The following CLCN2 variants were observed in gnomAD, a reference collection of about 807,000 sequenced individuals.
CLCN2 encodes chloride voltage-gated channel 2.
In CLCN2, 72 loss-of-function variants were observed where a neutral mutation model predicts 108.3. That is an observed-to-expected ratio of 0.66 (90% confidence interval 0.55 to 0.81). The LOEUF is 0.81. Ranked by LOEUF, CLCN2 falls within the 30% of genes least tolerant of loss-of-function variation. The pLI is 0.00. For synonymous variants in CLCN2, 471 were observed against 467.1 expected (o/e 1.01, Z -0.11); for missense variants, 1,048 against 1,205.2 (o/e 0.87, Z 1.93).
At chr3:184,353,556 T>A (rs1728297307) in intron 16 of CLCN2, 106 bp downstream of exon 16, 11 of 1,563,852 alleles carry the variant, frequency 7.0e-6, no homozygotes, top group Non-Finnish European at 9.5e-6. Flanking sequence ...CAAGTGCTGG[T>A]CCATTCCCTT....
At position 184,354,660 on chromosome 3, in the gene CLCN2, T is replaced by A; in HGVS notation, c.1397-2A>T. ...CCACCAGACGCCCAAATGCTGCTCC[T>A]TCAGGGAGGGGGGTGGGAAGAGAAA... On this transcript the variant is annotated splice_acceptor_variant, in intron 13 of 23. Transcript: ENST00000265593. LOFTEE classifies it high-confidence loss of function. 9.8e-7 allele frequency: 1 copy of A among 1,022,984 alleles called. No homozygotes were observed. Among genetic ancestry groups the A allele is most frequent in the Non-Finnish European group, 1.4e-6 (1 of 711,888 alleles). The allele number at this position is 1,022,984 out of a possible 1,614,324, so 63.4% of individuals were successfully genotyped here.
intron 22 of CLCN2, among the ~76,000 whole-genome samples, chr3:184,351,146 T>C (rs77128692): frequency 0.034 from 5,166 of 152,228 alleles, 284 homozygotes; most frequent in African/African-American, 0.12. Context: ...CTATACTGGC[T>C]CTTAGGCAGA....
At chr3:184,354,740 G>A in intron 13 of CLCN2, 82 bp from the exon 14 acceptor site, 1 of 1,349,442 alleles carries the variant, frequency 7.4e-7, no homozygotes, top group Non-Finnish European at 1.1e-6. Context: ...GTCAGAGGGT[G>A]AGGGAGGGGC....
chr3:184,352,148 G>T (rs756909764), intron 21 of CLCN2, 31 bp from the exon 22 acceptor site: 1 of 1,599,782 alleles, frequency 6.3e-7, no homozygotes, highest in East Asian at 2.2e-5. Context: ...GGTTTAGGGA[G>T]AAGGTGCCTG....
At position 184,346,958 on chromosome 3, in the gene CLCN2, T is replaced by C; in HGVS notation, c.2479A>G (p.Ile827Val). 6.2e-7 allele frequency: 1 copy of C among 1,613,510 alleles called. No homozygotes were observed. Among genetic ancestry groups the C allele is most frequent in the Non-Finnish European group, 8.5e-7 (1 of 1,179,410 alleles). The change falls in exon 23 of 24, where the codon ATT becomes GTT. Residue 827 changes from isoleucine to valine, a missense_variant. Physicochemically the swap from Ile to Val is conservative, Grantham distance 29. Transcript: ENST00000265593. This position sits in a 1 kb window ranked among gnomAD's most constrained non-coding sequence, Gnocchi z 6.0. Reference protein sequence around the residue: ...HAYVTSIGRLIGIVTLKELRK... With the variant: ...HAYVTSIGRLVGIVTLKELRK... ...ACCTCCTTTAGAGTAACGATTCCAA[T>C]GAGTCTGCCAATACTGGTGACATAA...
In CLCN2 at chr3:184,355,832, G is replaced by T; in HGVS notation, c.1086-54C>A. 1 of 1,418,484 alleles carries T rather than the reference G, an allele frequency of 7.0e-7. No individual in the cohort carries two copies. The highest frequency in any genetic ancestry group is 9.9e-7 in the Non-Finnish European group (1 of 1,007,720). The allele number at this position is 1,418,484 out of a possible 1,614,324, so 87.9% of individuals were successfully genotyped here. A position where few individuals can be genotyped will look rare whatever the true frequency, so the allele number is the denominator to read the frequency against. ...GGGTGGCCAAGGGCTGGGTGGCCTC[G>T]CATATCTCAGGGCTGAGGTCAGAGC... On this transcript the variant is annotated intron_variant, in intron 10 of 23. Transcript: ENST00000265593. This position sits in a 1 kb window ranked among gnomAD's most constrained non-coding sequence, Gnocchi z 6.3.
intron 22 of CLCN2, 86 bp downstream of exon 22, chr3:184,351,927 G>T: frequency 2.1e-6 from 2 of 966,284 alleles, no homozygotes; most frequent in Middle Eastern, 2.7e-4. Flanking sequence ...TTCCCCACTG[G>T]CCTGAGTCCA....
chr3:184,348,027 T>A (rs1727811935), intron 22 of CLCN2: 1 of 152,228 alleles, frequency 6.6e-6, no homozygotes, highest in African/African-American at 2.4e-5. Flanking sequence ...AATGTTTGAA[T>A]CAAGATGAGC....
At chr3:184,358,422 C>T (rs1419636326) in intron 3 of CLCN2, 112 bp from the exon 4 acceptor site, 1 of 1,500,216 alleles carries the variant, frequency 6.7e-7, no homozygotes, top group Non-Finnish European at 9.3e-7. Context: ...AGAGTCAGGG[C>T]ATGGGTGAAG....
chr3:184,346,351 G>T lies in CLCN2; in HGVS notation c.*255C>A. 1 of 566,140 alleles carries T rather than the reference G, an allele frequency of 1.8e-6. No individual in the cohort carries two copies. The allele number at this position is 566,140 out of a possible 1,614,324, so 35.1% of individuals were successfully genotyped here. On this transcript the variant is annotated 3_prime_UTR_variant, in exon 24 of 24. Transcript: ENST00000265593. This position sits in a 1 kb window ranked among gnomAD's most constrained non-coding sequence, Gnocchi z 6.0. ...CCCTTTCCCCTCAAAGGGGGAGCAGGGGTCAAGTGACCCCAACCCATCCTG... is the reference window on the plus strand; with the variant it reads ...CCCTTTCCCCTCAAAGGGGGAGCAGTGGTCAAGTGACCCCAACCCATCCTG...
Position 184,352,481 on chromosome 3 carries a change from C to T in CLCN2, c.2233G>A (p.Glu745Lys), listed in dbSNP as rs1274441636. The T allele has an allele frequency of 6.2e-7, 1 of 1,613,078 alleles. No individual in the cohort carries two copies. Among genetic ancestry groups the T allele is most frequent in the East Asian group, 2.2e-5 (1 of 44,872 alleles). ...CGGACACGCTTCAGCTTGCGCTTCT[C>T]ACAGGATTCCAACTTCTTCAGTTTT... ...EAASEKLESC[E>K]KRKLKRVRIS... Residue 745 changes from glutamate (E) to lysine (K), a missense_variant, in exon 20 of 24, where the codon GAG becomes AAG. Physicochemically the swap from Glu to Lys is moderately conservative, Grantham distance 56. Coordinates refer to ENST00000265593, the MANE Select transcript of CLCN2 (RefSeq NM_004366.6).
chr3:184,350,821 G>A (rs779103716), intron 22 of CLCN2, among the ~76,000 whole-genome samples: 1 of 152,144 alleles, frequency 6.6e-6, no homozygotes, highest in African/African-American at 2.4e-5. Context: ...CTGGAGGATC[G>A]CAATATCTAA....
At position 184,354,572 on chromosome 3, in the gene CLCN2, C is replaced by A. The variant is rs1449056504; in HGVS notation, c.1483G>T (p.Val495Leu). The A allele has an allele frequency of 1.9e-6, 3 of 1,612,966 alleles. No homozygotes were observed. Among genetic ancestry groups the A allele is most frequent in the Admixed American group, 1.7e-5 (1 of 59,966 alleles). The change falls in exon 14 of 24, where the codon GTG (valine) becomes TTG (leucine). Residue 495 changes from valine to leucine, a missense_variant. By Grantham distance (32) the Val-to-Leu change is conservative. Coordinates refer to ENST00000265593, the MANE Select transcript of CLCN2 (RefSeq NM_004366.6). Reference protein sequence around the residue: ...IHTDSSTYRIVPGGYAVVGAA... With the variant: ...IHTDSSTYRILPGGYAVVGAA... ...CCGACCACAGCGTAGCCCCCAGGCA[C>A]AATCCGGTAGGTGCTGCTGTCCGTA...
Position 184,353,298 on chromosome 3 carries a change from T to C in CLCN2, c.1980A>G (p.Leu660=), listed in dbSNP as rs546609891. 15 of 1,613,460 alleles carry C rather than the reference T, an allele frequency of 9.3e-6. No homozygotes were observed. Among genetic ancestry groups the C allele is most frequent in the East Asian group, 2.2e-5 (1 of 44,834 alleles). ...QERRATQTSP[L]SDQEGPPTPE... ...GGGTAGGGGGACCCTCCTGATCAGA[T>C]AGTGGAGAGGTCTGGGTGGCTCTGC... Residue 660 remains leucine, a synonymous_variant, in exon 17 of 24, where the codon CTA becomes CTG. Coordinates refer to ENST00000265593, the MANE Select transcript of CLCN2 (RefSeq NM_004366.6).
At chr3:184,352,206 C>CATGGGAGGGACCACGGG in intron 21 of CLCN2, 87 bp downstream of exon 21, 1 of 1,601,980 alleles carries the variant, frequency 6.2e-7, no homozygotes, top group Non-Finnish European at 8.6e-7. Context: ...TTTCCAACCC[C>CATGGGAGGGACCACGGG]GTGGTCCCTC....
intron 22 of CLCN2, chr3:184,347,838 A>G (rs1727798746): frequency 6.6e-6 from 1 of 152,208 alleles, no homozygotes; most frequent in Non-Finnish European, 1.5e-5. Flanking sequence ...GCCCTCCCCT[A>G]AGCTTTCACA....
rs1250208705 is a variant in CLCN2, at chr3:184,353,683, G to A, written c.1834C>T (p.Leu612=). 1 of 1,612,198 alleles carries A rather than the reference G, an allele frequency of 6.2e-7. No homozygotes were observed. Among genetic ancestry groups the A allele is most frequent in the Non-Finnish European group, 8.5e-7 (1 of 1,179,692 alleles). Residue 612 remains leucine (L), a synonymous_variant, in exon 16 of 24, where the codon CTG becomes TTG. Coordinates refer to ENST00000265593, the MANE Select transcript of CLCN2 (RefSeq NM_004366.6). The stretch of plus-strand genomic sequence containing the variant: ...TCACCAGGGGACTCCACTAGGGCCA[G>A]CATTCGGCCCTTGGTCCTGTGCAGT... The part of the protein sequence containing the change: ...LALHRTKGRM[L]ALVESPESMI...
chr3:184,358,836 G>A, intron 2 of CLCN2, 23 bp from the exon 3 acceptor site: 1 of 1,613,958 alleles, frequency 6.2e-7, no homozygotes. Flanking sequence ...AAGGGAAGAA[G>A]GGGGAGGATG....
chr3:184,357,598 C>G (rs762045502), intron 7 of CLCN2, 22 bp downstream of exon 7: 1 of 1,614,034 alleles, frequency 6.2e-7, no homozygotes, highest in South Asian at 1.1e-5. Context: ...TGGGGCTGGA[C>G]TGACCTAGGA....
Sources: gnomAD v4.1 joint callset for allele counts (sites outside exome capture counted in the v4.1 genomes callset) on GRCh38, gnomAD v4.1.1 for gene constraint, Gnocchi (gnomAD v3.1) non-coding constraint, MANE v1.5 for transcripts, NCBI Gene and HGNC (gene_info 2026-07-23, HGNC 2026-07-21) for gene names.